NAV1: variants seen among roughly 807,000 people sequenced by gnomAD.
The protein encoded by NAV1 is neuron navigator 1.
NAV1 carries 18 observed loss-of-function variants against 175.2 expected under a neutral mutation model. That is an observed-to-expected ratio of 0.10 (90% CI 0.07 to 0.15). The LOEUF (loss-of-function observed/expected upper bound fraction) is 0.15, where lower values mean the gene tolerates loss of function less well. Ranked by LOEUF, NAV1 falls within the 10% of genes least tolerant of loss-of-function variation. NAV1 has a pLI of 1.00. For synonymous variants in NAV1, 897 were observed against 978.7 expected (o/e 0.92, Z 1.56); for missense variants, 1,731 against 2,436.6 (o/e 0.71, Z 6.10).
intron 15 of NAV1, among the ~76,000 whole-genome samples, chr1:201,801,118 A>G (rs1677840609): frequency 6.6e-6 from 1 of 152,104 alleles, no homozygotes; most frequent in South Asian, 2.1e-4. Context: ...ATGAGCCACC[A>G]CACCCAGCCT....
exon 23 of NAV1, chr1:201,809,978 C>T: frequency 1.2e-6 from 2 of 1,613,864 alleles, no homozygotes; most frequent in East Asian, 2.2e-5. Context: ...CAGCCTCTAC[C>T]CTGGGACTAA....
intron 3 of NAV1, among the ~76,000 whole-genome samples, chr1:201,762,116 C>T (rs1029085562): frequency 1.3e-5 from 2 of 152,216 alleles, no homozygotes; most frequent in African/African-American, 4.8e-5. Context: ...GCTGTGTTTG[C>T]ACCACTGCAT....
At chr1:201,711,906 T>A (rs1671923841) in intron 1 of NAV1, among the ~76,000 whole-genome samples, 2 of 152,206 alleles carry the variant, frequency 1.3e-5, no homozygotes, top group African/African-American at 4.8e-5. Context: ...CTCAAGCACC[T>A]CTCAGTCATT....
intron 3 of NAV1, among the ~76,000 whole-genome samples, chr1:201,736,778 G>A (rs1046706448): frequency 9.9e-5 from 15 of 152,120 alleles, no homozygotes; most frequent in African/African-American, 3.6e-4. Flanking sequence ...AGCCCCACAG[G>A]AGCACAGAGG....
At position 201,810,519 on chromosome 1, in the gene NAV1, T is replaced by A. The variant is rs1678623110; in HGVS notation, c.4562-4T>A. The A allele has an allele frequency of 1.2e-6, 2 of 1,604,736 alleles. No homozygotes were observed. On this transcript the variant is annotated splice_polypyrimidine_tract_variant and splice_region_variant and intron_variant, in intron 23 of 29. Coordinates refer to ENST00000367296, the Ensembl canonical transcript of NAV1. This position sits in a 1 kb window ranked among gnomAD's most constrained non-coding sequence, Gnocchi z 6.0. ...TACTCATGCTTTCTGGGGTGGGGGT[T>A]CAGGTCTGAAGGAGAAATGCGTCGA...
chr1:201,556,463 C>A (rs1304031265), intron 1 of NAV1, among the ~76,000 whole-genome samples: 1 of 151,748 alleles, frequency 6.6e-6, no homozygotes, highest in South Asian at 2.1e-4. Context: ...CCAGTGATTA[C>A]ACCCCAGTTG....
rs1228442223 is a variant in NAV1 at position 201,810,086 on chromosome 1, C to T, written c.4542C>T (p.Asn1514=). 1.2e-6 allele frequency: 2 copies of T among 1,613,626 alleles called. No homozygotes were observed. Among genetic ancestry groups the T allele is most frequent in the Middle Eastern group, 1.7e-4 (1 of 6,058 alleles). Residue 1514 remains asparagine (N), a synonymous_variant, in exon 23 of 30, where the codon AAC becomes AAT. Coordinates refer to ENST00000367296, the Ensembl canonical transcript of NAV1. The surrounding 1 kb of genome is among the most constrained non-coding windows in gnomAD (Gnocchi z 6.0). The stretch of plus-strand genomic sequence containing the variant: ...CTCCTTGCCGTCGAGGTGTCAATAA[C>T]ATATCAGTCTCCCTCAAAGGTCAGT...
At chr1:201,725,313 C>T (rs605895) in intron 3 of NAV1, among the ~76,000 whole-genome samples, 61,170 of 152,034 alleles carry the variant, frequency 0.4, 13,216 homozygotes, top group Middle Eastern at 0.51. Context: ...TCCCGCCTAG[C>T]GGGACAGCTG....
intron 2 of NAV1, among the ~76,000 whole-genome samples, chr1:201,631,535 T>C (rs2102297573): frequency 6.6e-6 from 1 of 152,348 alleles, no homozygotes; most frequent in East Asian, 1.9e-4. Context: ...CTTCAAGATG[T>C]TCACAGCCCA....
chr1:201,742,982 T>C (rs763117644), intron 3 of NAV1, among the ~76,000 whole-genome samples: 23 of 152,322 alleles, frequency 1.5e-4, no homozygotes, highest in Non-Finnish European at 3.4e-4. Context: ...TTTTCTCATT[T>C]TAACATGAGG....
At chr1:201,637,879 T>G (rs2102307782) in intron 2 of NAV1, among the ~76,000 whole-genome samples, 1 of 152,326 alleles carries the variant, frequency 6.6e-6, no homozygotes, top group Non-Finnish European at 1.5e-5. Flanking sequence ...TGAGGCCCAG[T>G]GTGCAATATC....
At chr1:201,739,842 G>C in intron 3 of NAV1, 1 of 1,253,448 alleles carries the variant, frequency 8.0e-7, no homozygotes, top group Non-Finnish European at 1.0e-6. Context: ...TACAGCTGGA[G>C]CCGTAAGTAC....
At chr1:201,626,606 C>T (rs1668336322) in intron 1 of NAV1, among the ~76,000 whole-genome samples, 1 of 152,236 alleles carries the variant, frequency 6.6e-6, no homozygotes, top group African/African-American at 2.4e-5. Flanking sequence ...AACCTCATCC[C>T]TCTCTGCTAT....
intron 1 of NAV1, among the ~76,000 whole-genome samples, chr1:201,553,397 A>G (rs909627679): frequency 1.3e-5 from 2 of 152,254 alleles, no homozygotes; most frequent in Admixed American, 6.5e-5. Context: ...AGCTTGAGCC[A>G]GATTTCAGGT....
At chr1:201,645,269 G>A (rs1020904578), upstream of NAV1, among the ~76,000 whole-genome samples, 1 of 151,742 alleles carries the variant, frequency 6.6e-6, no homozygotes, top group African/African-American at 2.4e-5. Context: ...GATGAAACTG[G>A]AAACCATCAT....
rs34504688 is a variant in NAV1 at position 201,776,640 on chromosome 1, CAA to C, written c.1227-3766_1227-3765del. Among the ~76,000 whole-genome samples the C allele has an allele frequency of 1.5e-3, 141 of 97,080 alleles. 1 individual carries two copies. The highest frequency in any genetic ancestry group is 0.013 in the South Asian group (34 of 2,654). The allele number at this position is 97,080 out of a possible 152,430, so 63.7% of individuals were successfully genotyped here. ...TGGGTGACAGAGCAAGACTCCATCT[CAA>C]AAAAAAAAAAAAAAGAGTTGTTTTT... On this transcript the variant is annotated intron_variant, in intron 3 of 29. Transcript: ENST00000367296.
Position 201,629,508 on chromosome 1 carries a change from G to T in NAV1, c.4+1G>T, listed in dbSNP as rs1028924638. 1 of 1,303,002 alleles carries T rather than the reference G, an allele frequency of 7.7e-7. No homozygotes were observed. Among genetic ancestry groups the T allele is most frequent in the African/African-American group, 1.5e-5 (1 of 65,934 alleles). 80.7% of individuals were successfully genotyped at this position (1,303,002 alleles called of 1,614,324 possible). A position where few individuals can be genotyped will look rare whatever the true frequency, so the allele number is the denominator to read the frequency against. ...ACTGAGGAGAGCTTCTCCTGCATGG[G>T]TAAGTGATCTGGGGGAGACTTCCTC... On this transcript the variant is annotated splice_donor_variant, in intron 2 of 29. Coordinates refer to the NAV1 transcript ENST00000367302. LOFTEE classifies it high-confidence loss of function.
At chr1:201,549,102 TCTTTCTTTC>T (rs1248657592) in intron 1 of NAV1, among the ~76,000 whole-genome samples, 10 of 147,988 alleles carry the variant, frequency 6.8e-5, no homozygotes, top group South Asian at 4.4e-4. Context: ...TTTCTTTCTT[TCTTTCTTTC>T]TTTCTTTCTT....
At chr1:201,811,757 G>T (rs748870479) in exon 25 of NAV1, 1 of 1,604,202 alleles carries the variant, frequency 6.2e-7, no homozygotes. Flanking sequence ...TATCATAAAT[G>T]GTAAGTAAGC....
Sources: allele counts gnomAD v4.1 joint callset (sites outside exome capture counted in the v4.1 genomes callset), GRCh38; gene constraint gnomAD v4.1.1; non-coding constraint Gnocchi (gnomAD v3.1); transcripts MANE v1.5; gene names NCBI Gene and HGNC (gene_info 2026-07-23, HGNC 2026-07-21).